TMEM181: variants seen among roughly 807,000 people sequenced by gnomAD.
TMEM181 encodes the protein transmembrane protein 181.
In TMEM181, 39 loss-of-function variants were observed where a neutral mutation model predicts 71.9. The ratio of observed to expected loss-of-function variants is 0.54; its 90% CI spans 0.42 to 0.71. The LOEUF is 0.71. Among genes scored for constraint, TMEM181 ranks in the 30% least tolerant of loss-of-function variants. The pLI, the probability that TMEM181 is intolerant of heterozygous loss-of-function variation, is 0.00. For synonymous variants in TMEM181, 245 were observed against 228.8 expected (o/e 1.07, Z -0.64); for missense variants, 595 against 583.0 (o/e 1.02, Z -0.21).
chr6:158,557,814 C>T (rs1394941250), upstream of TMEM181, among the ~76,000 whole-genome samples: 1 of 152,240 alleles, frequency 6.6e-6, no homozygotes, highest in African/African-American at 2.4e-5. Context: ...CATGCCCATG[C>T]CCGGTCAATT....
intron 1 of TMEM181, among the ~76,000 whole-genome samples, chr6:158,572,066 T>C (rs1004544336): frequency 6.6e-6 from 1 of 152,230 alleles, no homozygotes; most frequent in Admixed American, 6.5e-5. Context: ...GTGACCCTGG[T>C]CTGTGTGCTC....
chr6:158,576,731 G>GGT (rs1015734514), intron 2 of TMEM181, among the ~76,000 whole-genome samples: 2 of 152,058 alleles, frequency 1.3e-5, no homozygotes, highest in African/African-American at 4.8e-5. Flanking sequence ...GGTTTCCAGA[G>GGT]GTACATTATT....
intron 1 of TMEM181, among the ~76,000 whole-genome samples, chr6:158,566,448 A>T (rs1582951477): frequency 6.9e-6 from 1 of 145,650 alleles, no homozygotes; most frequent in African/African-American, 2.5e-5. Flanking sequence ...CGAGGAGTTG[A>T]TGAGGGAGGT....
intron 1 of TMEM181, among the ~76,000 whole-genome samples, chr6:158,545,863 C>T (rs1781511180): frequency 6.6e-6 from 1 of 152,032 alleles, no homozygotes; most frequent in East Asian, 1.9e-4. Flanking sequence ...TTAATACACC[C>T]CCATGGCTAG....
In TMEM181 at chr6:158,542,868, G is replaced by GTTTTTTT. The variant is rs61401561; in HGVS notation, c.131+6022_131+6028dup. The stretch of plus-strand genomic sequence containing the variant: ...TCTGCCTGCCTCGGCCTCCAGAGTG[G>GTTTTTTT]TTTTTTTTTTTTTTTTTTTTTTTTT... On this transcript the variant is annotated intron_variant, in intron 1 of 16. Transcript: ENST00000367090. Among the ~76,000 whole-genome samples, 8 of 73,498 alleles carry GTTTTTTT rather than the reference G, an allele frequency of 1.1e-4. 1 individual carries two copies. The highest frequency in any genetic ancestry group is 3.4e-4 in the African/African-American group (6 of 17,468). 48.2% of individuals were successfully genotyped at this position (73,498 alleles called of 152,430 possible). A position where few individuals can be genotyped will look rare whatever the true frequency, so the allele number is the denominator to read the frequency against.
At chr6:158,630,906 A>G (rs1166120640) in intron 15 of TMEM181, among the ~76,000 whole-genome samples, 1 of 152,184 alleles carries the variant, frequency 6.6e-6, no homozygotes, top group Admixed American at 6.5e-5. Flanking sequence ...CTTCACAGCA[A>G]CTTTATGATA....
intron 2 of TMEM181, among the ~76,000 whole-genome samples, chr6:158,576,255 C>T (rs1314184175): frequency 1.3e-5 from 2 of 152,122 alleles, no homozygotes; most frequent in Non-Finnish European, 2.9e-5. Context: ...CTATAGCAGG[C>T]GGCTAAATGT....
At chr6:158,589,067 A>G (rs932829078) in intron 5 of TMEM181, among the ~76,000 whole-genome samples, 1 of 152,178 alleles carries the variant, frequency 6.6e-6, no homozygotes, top group Non-Finnish European at 1.5e-5. Flanking sequence ...TTTTAATTCT[A>G]AAGGACAAAA....
At chr6:158,555,439 T>C (rs1781849475), upstream of TMEM181, among the ~76,000 whole-genome samples, 1 of 152,178 alleles carries the variant, frequency 6.6e-6, no homozygotes, top group African/African-American at 2.4e-5. Context: ...GTTTAAAAAA[T>C]CTTGGCTGGA....
chr6:158,594,126 A>T (rs1784263189), intron 6 of TMEM181, among the ~76,000 whole-genome samples: 1 of 125,180 alleles, frequency 8.0e-6, no homozygotes, highest in Non-Finnish European at 1.6e-5. Flanking sequence ...TTTTTCTGAG[A>T]CAGAGTCTGT....
chr6:158,625,169 G>T lies in TMEM181; in HGVS notation c.1020G>T (p.Val340=). 1 of 1,614,196 alleles carries T rather than the reference G, an allele frequency of 6.2e-7. No individual in the cohort carries two copies. The highest frequency in any genetic ancestry group is 2.2e-5 in the East Asian group (1 of 44,890). The part of the protein sequence containing the change: ...VYILYLLFLI[V]RACSELRHMP... ...TTCTGTACCTCTTGTTCTTGATAGT[G>T]CGGGCGTGTTCCGAGCTACGTCACA... Residue 340 remains valine, a synonymous_variant, in exon 12 of 17, where the codon GTG becomes GTT. Transcript: ENST00000684151.
chr6:158,630,325 C>T (rs982174779), intron 15 of TMEM181, among the ~76,000 whole-genome samples: 1 of 151,934 alleles, frequency 6.6e-6, no homozygotes, highest in Non-Finnish European at 1.5e-5. Flanking sequence ...ATAGGGACCC[C>T]ATCTCTCCAA....
intron 1 of TMEM181, 45 bp from the exon 2 acceptor site, chr6:158,573,375 C>T (rs527513497): frequency 6.0e-6 from 9 of 1,491,460 alleles, no homozygotes; most frequent in East Asian, 4.9e-5. Flanking sequence ...CTGTGACCTC[C>T]GGGCCTTCCC....
intron 7 of TMEM181, among the ~76,000 whole-genome samples, chr6:158,606,561 A>T (rs1397867422): frequency 6.6e-6 from 1 of 152,240 alleles, no homozygotes; most frequent in Non-Finnish European, 1.5e-5. Context: ...ATTGCCTAGA[A>T]AACTGTTGGC....
intron 1 of TMEM181, among the ~76,000 whole-genome samples, chr6:158,566,485 C>G (rs1358993658): frequency 1.4e-5 from 1 of 72,262 alleles, no homozygotes; most frequent in Non-Finnish European, 2.8e-5. Flanking sequence ...ATGGTGAGCT[C>G]CTGAGGGAGG....
At chr6:158,562,360 G>C (rs974707209) in intron 1 of TMEM181, among the ~76,000 whole-genome samples, 2 of 152,148 alleles carry the variant, frequency 1.3e-5, no homozygotes, top group African/African-American at 4.8e-5. Context: ...TTGAGCTACA[G>C]GGCTGCACGG....
chr6:158,610,038 A>C (rs1403853207), intron 10 of TMEM181: 1 of 221,006 alleles, frequency 4.5e-6, no homozygotes, highest in African/African-American at 2.3e-5. Flanking sequence ...TGTATCTTGT[A>C]GTCAGAGAAC....
chr6:158,628,263 C>T lies in TMEM181; in HGVS notation c.1110-145C>T, dbSNP rs143200385. On this transcript the variant is annotated intron_variant, in intron 13 of 16. Coordinates refer to ENST00000684151, the MANE Select transcript of TMEM181 (RefSeq NM_001376852.1). ...GTGTGCATGTGTGCATCTGTGCGTG[C>T]ATCTGTGCATGTGTGTGGAAGTTCC... is the stretch of plus-strand genomic sequence containing the variant. The T allele has an allele frequency of 1.9e-4, 144 of 749,044 alleles. No individual in the cohort carries two copies. In the African/African-American group the frequency reaches 1.9e-3, roughly 10 times the overall value. 46.4% of individuals were successfully genotyped at this position (749,044 alleles called of 1,614,324 possible).
chr6:158,541,131 G>T (rs1044596064), intron 1 of TMEM181, among the ~76,000 whole-genome samples: 1 of 152,000 alleles, frequency 6.6e-6, no homozygotes, highest in Non-Finnish European at 1.5e-5. Flanking sequence ...ATATCTTGGA[G>T]CAGGCCGGGT....
Sources: allele counts gnomAD v4.1 joint callset (sites outside exome capture counted in the v4.1 genomes callset), GRCh38; gene constraint gnomAD v4.1.1; transcripts MANE v1.5; gene names NCBI Gene and HGNC (gene_info 2026-07-23, HGNC 2026-07-21).